The following ADGRG1 variants were observed in gnomAD, a reference collection of about 807,000 sequenced individuals.
ADGRG1 encodes the protein 7-transmembrane protein with no EGF-like N-terminal domains-1.
Under a neutral mutation model 73.5 loss-of-function variants are expected in ADGRG1, and 53 were observed. The observed-to-expected ratio is 0.72, with a 90% CI of 0.58 to 0.91. The LOEUF (loss-of-function observed/expected upper bound fraction) is 0.91, where lower values mean the gene tolerates loss of function less well. ADGRG1 is among the 40% of genes least tolerant of loss of function. The pLI is 0.00. For synonymous variants in ADGRG1, 394 were observed against 374.4 expected, an observed-to-expected ratio of 1.05 and a Z score of -0.60; for missense variants, 795 against 871.8, an observed-to-expected ratio of 0.91 and a Z score of 1.11.
chr16:57,640,850 T>A, intron 1 of ADGRG1: 4 of 983,578 alleles, frequency 4.1e-6, no homozygotes, highest in Non-Finnish European at 4.8e-6. Flanking sequence ...AAGATGGGAG[T>A]TTGCCAGACC....
intron 11 of ADGRG1, among the ~76,000 whole-genome samples, chr16:57,660,034 C>T (rs147478766): frequency 9.3e-4 from 142 of 152,318 alleles, no homozygotes; most frequent in African/African-American, 3.2e-3. Context: ...TTAATTCACT[C>T]GGGCTGGCAG....
rs1462491679 is a variant in ADGRG1 at position 57,651,377 on chromosome 16, T to C, written c.242T>C (p.Phe81Ser). ...GCAGCCCACCCTGCTTCCCGATCCT[T>C]CCCTGACCCCAGGGGCCTCTACCAC... is the stretch of plus-strand genomic sequence containing the variant. ...FPAAHPASRS[F>S]PDPRGLYHFC... Residue 81 changes from phenylalanine (F) to serine (S), a missense_variant, in exon 3 of 14, where the codon TTC becomes TCC. Physicochemically the swap from Phe to Ser is radical, Grantham distance 155. Transcript: ENST00000562631. 1 of 1,613,956 alleles carries C rather than the reference T, an allele frequency of 6.2e-7. No homozygotes were observed. The highest frequency in any genetic ancestry group is 1.3e-5 in the African/African-American group (1 of 74,872).
intron 1 of ADGRG1, 145 bp downstream of exon 1, chr16:57,628,947 AGT>A (rs1213816700): frequency 5.3e-5 from 34 of 644,188 alleles, no homozygotes; most frequent in African/African-American, 9.3e-5. Flanking sequence ...TGAGCGTGAG[AGT>A]GTGAGAGTGT....
Position 57,651,340 on chromosome 16 carries a change from G to A in ADGRG1, c.205G>A (p.Ala69Thr). ...ENSEEALTVH[A>T]PFPAAHPASR... ...CTCCGAAGAGGCCCTCACAGTCCAT[G>A]CCCCTTTCCCTGCAGCCCACCCTGC... The change falls in exon 3 of 14, where the codon GCC becomes ACC. Residue 69 changes from alanine (A) to threonine (T), a missense_variant. By Grantham distance (58) the Ala-to-Thr change is moderately conservative. Coordinates refer to ENST00000562631, the MANE Select transcript of ADGRG1 (RefSeq NM_201525.4). 6.2e-7 allele frequency: 1 copy of A among 1,614,096 alleles called. No homozygotes were observed.
At chr16:57,630,571 T>C (rs1012198569) in intron 1 of ADGRG1, 1 of 974,706 alleles carries the variant, frequency 1.0e-6, no homozygotes, top group South Asian at 4.7e-5. Context: ...CCAGGTGTGA[T>C]CTGTGACGGA....
chr16:57,636,125 A>C (rs1323121090), intron 1 of ADGRG1: 1 of 985,232 alleles, frequency 1.0e-6, no homozygotes, highest in African/African-American at 1.7e-5. Flanking sequence ...TGGGGTCTGC[A>C]GCAATGGGAA....
chr16:57,653,851 A>G, intron 4 of ADGRG1, 135 bp from the exon 5 acceptor site: 1 of 1,573,786 alleles, frequency 6.4e-7, no homozygotes, highest in Non-Finnish European at 8.6e-7. Flanking sequence ...TGCCCACCCC[A>G]CCCCTCTCTC....
At chr16:57,663,231 T>C (rs2148650915) in intron 13 of ADGRG1, 1 of 817,598 alleles carries the variant, frequency 1.2e-6, no homozygotes, top group Non-Finnish European at 1.5e-6. Context: ...ATGAATAGGA[T>C]GGGCCTAGGA....
At chr16:57,653,017 C>T (rs914690732) in intron 3 of ADGRG1, 186 bp from the exon 4 acceptor site, 2 of 1,458,352 alleles carry the variant, frequency 1.4e-6, no homozygotes, top group African/African-American at 1.4e-5. Flanking sequence ...AGACACAACC[C>T]CCACGGGTTG....
chr16:57,628,928 G>GAA (rs71855422), intron 1 of ADGRG1, 126 bp downstream of exon 1: 10 of 706,552 alleles, frequency 1.4e-5, no homozygotes, highest in Admixed American at 8.0e-5. Flanking sequence ...GTGAGTGTGA[G>GAA]TGTGAGTGTG....
rs2044824504 is a variant in ADGRG1, at chr16:57,654,035, G to T, written c.670G>T (p.Asp224Tyr). ...SKLTSVRFMG[D>Y]MVSFEEDRIN... ...ACTGACCTCTGTGAGATTCATGGGG[G>T]ACATGGTGTCCTTCGAGGAGGACCG... is the stretch of plus-strand genomic sequence containing the variant. The change falls in exon 5 of 14, where the codon GAC becomes TAC. Residue 224 changes from aspartate to tyrosine, a missense_variant. Asp to Tyr is a radical substitution (Grantham distance 160). Coordinates refer to ENST00000562631, the MANE Select transcript of ADGRG1 (RefSeq NM_201525.4). The T allele has an allele frequency of 6.2e-7, 1 of 1,614,116 alleles. No homozygotes were observed. Among genetic ancestry groups the T allele is most frequent in the South Asian group, 1.1e-5 (1 of 91,082 alleles).
chr16:57,659,783 C>T (rs542187684), intron 11 of ADGRG1, 102 bp downstream of exon 11: 88 of 1,213,734 alleles, frequency 7.3e-5, no homozygotes, highest in Admixed American at 5.9e-4. Flanking sequence ...CTCTGACTTC[C>T]CTCCTGGCCT....
chr16:57,631,136 A>G (rs146223434), intron 1 of ADGRG1: 3 of 985,832 alleles, frequency 3.0e-6, no homozygotes, highest in Non-Finnish European at 3.6e-6. Flanking sequence ...GCTTGGGAGC[A>G]GCTTCACGTG....
intron 1 of ADGRG1, chr16:57,635,359 G>T (rs2039092669): frequency 2.0e-6 from 2 of 985,232 alleles, no homozygotes; most frequent in African/African-American, 3.5e-5. Context: ...GGTGCACACG[G>T]TCTGTCCTCC....
In ADGRG1 at chr16:57,628,879, T is replaced by A. The variant is rs2278807; in HGVS notation, c.-36+77T>A. On this transcript the variant is annotated intron_variant, in intron 1 of 13. Coordinates refer to ENST00000562631, the MANE Select transcript of ADGRG1 (RefSeq NM_201525.4). ...GAGAGTGTGAGTGTGTGAGCGTGAG[T>A]GTGTGAGAGTGTGAGTGTGTGAGTG... is the stretch of plus-strand genomic sequence containing the variant. The A allele has an allele frequency of 0.093, 74,370 of 800,780 alleles. 5,089 individuals are homozygous for A. The highest frequency in any genetic ancestry group is 0.2 in the African/African-American group (9,929 of 50,786). 49.6% of individuals were successfully genotyped at this position (800,780 alleles called of 1,614,324 possible). A position where few individuals can be genotyped will look rare whatever the true frequency, so the allele number is the denominator to read the frequency against.
At chr16:57,648,856 G>T (rs1374591303) in intron 1 of ADGRG1, 4 of 264,716 alleles carry the variant, frequency 1.5e-5, no homozygotes, top group African/African-American at 2.3e-5. Flanking sequence ...CAGGTTCCCT[G>T]CCAGGCACTA....
chr16:57,635,997 C>T, intron 1 of ADGRG1: 2 of 985,384 alleles, frequency 2.0e-6, no homozygotes, highest in Non-Finnish European at 2.4e-6. Context: ...GCAGACTAGT[C>T]CTCGGGACAC....
intron 1 of ADGRG1, chr16:57,641,625 G>C (rs1048268079): frequency 8.7e-5 from 78 of 892,060 alleles, no homozygotes; most frequent in Non-Finnish European, 9.9e-5. Context: ...GAGTGCAGTG[G>C]TGTGATCTTG....
chr16:57,633,702 G>C (rs1333152970), intron 1 of ADGRG1, among the ~76,000 whole-genome samples: 1 of 152,226 alleles, frequency 6.6e-6, no homozygotes, highest in Non-Finnish European at 1.5e-5. Context: ...TGTATTTTAA[G>C]TGCTGAGTGC....
Sources: gnomAD v4.1 joint callset for allele counts (sites outside exome capture counted in the v4.1 genomes callset) on GRCh38, gnomAD v4.1.1 for gene constraint, MANE v1.5 for transcripts, NCBI Gene and HGNC (gene_info 2026-07-23, HGNC 2026-07-21) for gene names.